KSR2: variants seen among roughly 807,000 people sequenced by gnomAD.
KSR2 encodes the protein kinase suppressor of ras 2.
KSR2 carries 25 observed loss-of-function variants against 107.8 expected under a neutral mutation model. The observed-to-expected ratio is 0.23, with a 90% CI of 0.17 to 0.32. The LOEUF (loss-of-function observed/expected upper bound fraction) is 0.32, where lower values mean the gene tolerates loss of function less well. Ranked by LOEUF, KSR2 falls within the 10% of genes least tolerant of loss-of-function variation. The pLI, the probability that KSR2 is intolerant of heterozygous loss-of-function variation, is 1.00. For missense variants in KSR2, 887 were observed against 1,268.9 expected (o/e 0.70, Z 4.57); for synonymous variants, 480 against 507.0 (o/e 0.95, Z 0.71).
intron 4 of KSR2, among the ~76,000 whole-genome samples, chr12:117,710,319 A>G (rs897572366): frequency 6.6e-6 from 1 of 152,170 alleles, no homozygotes; most frequent in Non-Finnish European, 1.5e-5. Flanking sequence ...CTCATCTTTT[A>G]TTTAACAAGG....
intron 9 of KSR2, among the ~76,000 whole-genome samples, chr12:117,549,591 AG>A (rs1877141430): frequency 6.6e-6 from 1 of 152,170 alleles, no homozygotes; most frequent in African/African-American, 2.4e-5. Context: ...GTGGCCCCTC[AG>A]TAAATGTGTG....
intron 3 of KSR2, among the ~76,000 whole-genome samples, chr12:117,809,979 G>T (rs1451174421): frequency 6.6e-6 from 1 of 152,128 alleles, no homozygotes; most frequent in Non-Finnish European, 1.5e-5. Context: ...GAATTTTGGA[G>T]GCTGTGGGCA....
intron 3 of KSR2, among the ~76,000 whole-genome samples, chr12:117,835,670 G>C (rs962748195): frequency 6.6e-6 from 1 of 152,036 alleles, no homozygotes; most frequent in Admixed American, 6.5e-5. Flanking sequence ...CATTTTTGAT[G>C]GTCACTACCA....
intron 5 of KSR2, among the ~76,000 whole-genome samples, chr12:117,615,919 G>A (rs994592159): frequency 1.8e-4 from 27 of 152,194 alleles, no homozygotes; most frequent in African/African-American, 5.8e-4. Flanking sequence ...TTGGGAGGCT[G>A]AGACAGGTGG....
rs763567694 is a variant in KSR2, at chr12:117,761,535, A to G, written c.473-11T>C. 32 of 1,612,856 alleles carry G rather than the reference A, an allele frequency of 2.0e-5. No homozygotes were observed. Among genetic ancestry groups the G allele is most frequent in the Non-Finnish European group, 2.6e-5 (31 of 1,179,764 alleles). On this transcript the variant is annotated splice_polypyrimidine_tract_variant and intron_variant, in intron 3 of 19. Transcript: ENST00000339824. ...TGGAAAGGTTGCCTCCTGAGTTGGAACAGAAGAGCAGAGACAATGGGTAAG... is the reference window on the plus strand; with the variant it reads ...TGGAAAGGTTGCCTCCTGAGTTGGAGCAGAAGAGCAGAGACAATGGGTAAG...
intron 4 of KSR2, among the ~76,000 whole-genome samples, chr12:117,689,881 CA>C (rs1483022429): frequency 6.6e-6 from 1 of 151,946 alleles, no homozygotes; most frequent in African/African-American, 2.4e-5. Context: ...GGGGAACTCC[CA>C]AATTTGACTA....
chr12:117,828,005 T>C (rs1891820322), intron 3 of KSR2, among the ~76,000 whole-genome samples: 2 of 152,148 alleles, frequency 1.3e-5, no homozygotes, highest in Non-Finnish European at 2.9e-5. Flanking sequence ...CTTCCCTATC[T>C]CCTGGGGAGA....
intron 3 of KSR2, among the ~76,000 whole-genome samples, chr12:117,848,059 G>A (rs1047266390): frequency 6.6e-6 from 1 of 152,122 alleles, no homozygotes; most frequent in African/African-American, 2.4e-5. Context: ...TTTTAAAAAA[G>A]GAAAACAATA....
intron 14 of KSR2, among the ~76,000 whole-genome samples, chr12:117,507,984 C>A (rs1383464694): frequency 1.3e-5 from 2 of 152,186 alleles, no homozygotes; most frequent in Non-Finnish European, 2.9e-5. Context: ...AAAAGCCACC[C>A]TCCCTTGTCA....
chr12:117,544,515 A>G (rs2137299320), intron 9 of KSR2, among the ~76,000 whole-genome samples: 1 of 152,090 alleles, frequency 6.6e-6, no homozygotes, highest in Admixed American at 6.5e-5. Flanking sequence ...GCTACTTGGG[A>G]GGCTGAGGCG....
At chr12:117,633,819 C>T (rs1882922507) in intron 5 of KSR2, among the ~76,000 whole-genome samples, 2 of 152,164 alleles carry the variant, frequency 1.3e-5, no homozygotes, top group South Asian at 4.2e-4. Flanking sequence ...TGGGAGGATG[C>T]TACTCAACCC....
chr12:117,544,838 A>G (rs1269925043), intron 9 of KSR2, among the ~76,000 whole-genome samples: 1 of 152,018 alleles, frequency 6.6e-6, no homozygotes, highest in Non-Finnish European at 1.5e-5. Flanking sequence ...TTCTTGCCTT[A>G]CTGTATTGGC....
intron 4 of KSR2, among the ~76,000 whole-genome samples, chr12:117,670,587 T>C (rs554031663): frequency 6.6e-6 from 1 of 152,208 alleles, no homozygotes; most frequent in Non-Finnish European, 1.5e-5. Context: ...TCAGAGGCAC[T>C]GGGGTGGCCA....
intron 3 of KSR2, among the ~76,000 whole-genome samples, chr12:117,854,613 C>A (rs2592286): frequency 0.38 from 57,039 of 152,022 alleles, 12,811 homozygotes; most frequent in East Asian, 0.61. Flanking sequence ...GTGGGAACTG[C>A]AACAACCGTG....
At chr12:117,743,002 G>A (rs1466250440) in intron 4 of KSR2, among the ~76,000 whole-genome samples, 3 of 152,154 alleles carry the variant, frequency 2.0e-5, no homozygotes, top group African/African-American at 7.2e-5. Context: ...ACCATCACAT[G>A]TATCCATTGC....
In KSR2 at chr12:117,555,237, G is replaced by A. The variant is rs751681150; in HGVS notation, c.1450C>T (p.Arg484Trp). 16 of 1,613,708 alleles carry A rather than the reference G, an allele frequency of 9.9e-6. No individual in the cohort carries two copies. The highest frequency in any genetic ancestry group is 1.3e-5 in the African/African-American group (1 of 74,922). The stretch of plus-strand genomic sequence containing the variant: ...AGGTCTGAATAGCGAGGTGGCTTCC[G>A]TAGAGGGTTGTTGATGTCACACGGA... ...SVPCDINNPLRKPPRYSDLHI... is the reference protein window; with the variant it reads ...SVPCDINNPLWKPPRYSDLHI... The change falls in exon 9 of 20, where the codon CGG becomes TGG. Residue 484 changes from arginine to tryptophan, a missense_variant. Arg to Trp is a moderately radical substitution (Grantham distance 101). Coordinates refer to ENST00000339824, the MANE Select transcript of KSR2 (RefSeq NM_173598.6).
At chr12:117,501,569 G>A (rs1873379537) in intron 14 of KSR2, among the ~76,000 whole-genome samples, 1 of 152,238 alleles carries the variant, frequency 6.6e-6, no homozygotes, top group African/African-American at 2.4e-5. Flanking sequence ...TGGGGATACT[G>A]AGTCTGGTGG....
At chr12:117,835,366 C>G (rs138458802) in intron 3 of KSR2, among the ~76,000 whole-genome samples, 9 of 152,294 alleles carry the variant, frequency 5.9e-5, no homozygotes, top group Non-Finnish European at 1.3e-4. Flanking sequence ...TCGCTTTCAT[C>G]TGGTTCCTGT....
intron 14 of KSR2, among the ~76,000 whole-genome samples, chr12:117,510,902 C>G (rs578157109): frequency 6.7e-6 from 1 of 149,848 alleles, no homozygotes; most frequent in African/African-American, 2.5e-5. Flanking sequence ...AAAAAAAATC[C>G]TCAACAACAG....
Sources: allele counts gnomAD v4.1 joint callset (sites outside exome capture counted in the v4.1 genomes callset), GRCh38; gene constraint gnomAD v4.1.1; transcripts MANE v1.5; gene names NCBI Gene and HGNC (gene_info 2026-07-23, HGNC 2026-07-21).